Variants in HOXC8 observed in about 807,000 individuals in gnomAD.
The protein encoded by HOXC8 is homeobox C8, also known as homeobox protein Hox-C8.
A neutral mutation model predicts 25.8 loss-of-function variants in HOXC8; 14 were observed. The ratio of observed to expected loss-of-function variants is 0.54; its 90% confidence interval spans 0.36 to 0.85. The LOEUF (loss-of-function observed/expected upper bound fraction) is 0.85, where lower values mean the gene tolerates loss of function less well. Ranked by LOEUF, HOXC8 falls within the 40% of genes least tolerant of loss-of-function variation. The probability of loss-of-function intolerance (pLI) is 0.01; values close to 1 mark genes in which losing one functional copy is unlikely to be tolerated. For synonymous variants in HOXC8, 144 were observed against 124.6 expected, an observed-to-expected ratio of 1.16 and a Z score of -1.04; for missense variants, 316 against 308.8, an observed-to-expected ratio of 1.02 and a Z score of -0.17.
chr12:54,011,398 C>A lies in HOXC8; in HGVS notation c.*17C>A, dbSNP rs777820655. 3.6e-6 allele frequency: 5 copies of A among 1,399,508 alleles called. No homozygotes were observed. The highest frequency in any genetic ancestry group is 3.0e-5 in the African/African-American group (2 of 66,166). 86.7% of individuals were successfully genotyped at this position (1,399,508 alleles called of 1,614,324 possible). ...AAGGACTAAGCAAAAAAGAAAGACC[C>A]CCCCCCCCTTAGCAACTCCCTTGAA... On this transcript the variant is annotated 3_prime_UTR_variant, in exon 2 of 2. Coordinates refer to ENST00000040584, the MANE Select transcript of HOXC8 (RefSeq NM_022658.4).
rs1438812899 is a variant in HOXC8, at chr12:54,009,730, C to G, written c.436+10C>G. ...TGGATGAGACCCCACGGTGAGAAGC[C>G]TTTTCTCTTTCCCCCTTGGTCTCCC... On this transcript the variant is annotated intron_variant, in intron 1 of 1. Coordinates refer to ENST00000040584, the MANE Select transcript of HOXC8 (RefSeq NM_022658.4). The surrounding 1 kb of genome is among the most constrained non-coding windows in gnomAD (Gnocchi z 5.0). 1 of 1,609,252 alleles carries G rather than the reference C, an allele frequency of 6.2e-7. No individual in the cohort carries two copies. The highest frequency in any genetic ancestry group is 8.5e-7 in the Non-Finnish European group (1 of 1,176,000).
At position 54,009,774 on chromosome 12, in the gene HOXC8, C is replaced by G. The variant is rs908012413; in HGVS notation, c.436+54C>G. On this transcript the variant is annotated intron_variant, in intron 1 of 1. Coordinates refer to ENST00000040584, the MANE Select transcript of HOXC8 (RefSeq NM_022658.4). This position sits in a 1 kb window ranked among gnomAD's most constrained non-coding sequence, Gnocchi z 5.0. ...GTCTCCCGCGCTCCAGGGTTTCCCC[C>G]CCTCCCTCGCCTCCTTTTTGTCTGC... is the stretch of plus-strand genomic sequence containing the variant. 1.0e-5 allele frequency: 15 copies of G among 1,468,078 alleles called. No homozygotes were observed. The highest frequency in any genetic ancestry group is 2.3e-5 in the East Asian group (1 of 43,926). 90.9% of individuals were successfully genotyped at this position (1,468,078 alleles called of 1,614,324 possible).
rs372905494 is a variant in HOXC8, at chr12:54,011,294, G to T, written c.642G>T (p.Pro214=). ...WKKENNKDKL[P]GARDEEKVEE... ...AGGAGAACAACAAGGATAAACTGCC[G>T]GGAGCCCGAGATGAGGAGAAGGTGG... The change falls in exon 2 of 2, where the codon CCG becomes CCT. Residue 214 remains proline (P), a synonymous_variant. Transcript: ENST00000040584. The T allele has an allele frequency of 6.3e-7, 1 of 1,576,668 alleles. No homozygotes were observed.
In HOXC8 at chr12:54,011,501, C is replaced by A; in HGVS notation, c.*120C>A. On this transcript the variant is annotated 3_prime_UTR_variant, in exon 2 of 2. Transcript: ENST00000040584. ...TTTATAGAGAATAGAATGACACTCA[C>A]AACTCTAACTACCTGTCAGATACTT... 2.5e-6 allele frequency: 3 copies of A among 1,223,000 alleles called. No homozygotes were observed. Among genetic ancestry groups the A allele is most frequent in the African/African-American group, 3.1e-5 (2 of 63,800 alleles). The allele number at this position is 1,223,000 out of a possible 1,614,324, so 75.8% of individuals were successfully genotyped here. A position where few individuals can be genotyped will look rare whatever the true frequency, so the allele number is the denominator to read the frequency against.
At chr12:54,010,425 C>T (rs1380602155) in intron 1 of HOXC8, among the ~76,000 whole-genome samples, 1 of 152,196 alleles carries the variant, frequency 6.6e-6, no homozygotes, top group African/African-American at 2.4e-5. Context: ...AGCCGCCCCC[C>T]CAATCAAGGA....
At chr12:54,010,322 G>T (rs796424983) in intron 1 of HOXC8, among the ~76,000 whole-genome samples, 6 of 152,312 alleles carry the variant, frequency 3.9e-5, no homozygotes, top group African/African-American at 1.4e-4. Flanking sequence ...CCAGTTGGGA[G>T]AAGACGGGGG....
Position 54,009,789 on chromosome 12 carries a change from T to A in HOXC8, c.436+69T>A. The A allele has an allele frequency of 1.5e-6, 2 of 1,349,186 alleles. No homozygotes were observed. The highest frequency in any genetic ancestry group is 1.0e-6 in the Non-Finnish European group (1 of 956,292). The allele number at this position is 1,349,186 out of a possible 1,614,324, so 83.6% of individuals were successfully genotyped here. A position where few individuals can be genotyped will look rare whatever the true frequency, so the allele number is the denominator to read the frequency against. ...GGGTTTCCCCCCCTCCCTCGCCTCC[T>A]TTTTGTCTGCCCTCGCTTTTTCTCC... On this transcript the variant is annotated intron_variant, in intron 1 of 1. Coordinates refer to ENST00000040584, the MANE Select transcript of HOXC8 (RefSeq NM_022658.4). The surrounding 1 kb of genome is among the most constrained non-coding windows in gnomAD (Gnocchi z 5.0).
In HOXC8 at chr12:54,012,503, T is replaced by C. The variant is rs1459545127; in HGVS notation, c.*1122T>C. 1 of 152,594 alleles carries C rather than the reference T, an allele frequency of 6.6e-6. No individual in the cohort carries two copies. The highest frequency in any genetic ancestry group is 2.4e-5 in the African/African-American group (1 of 41,452). The allele number at this position is 152,594 out of a possible 1,614,324, so 9.5% of individuals were successfully genotyped here. A position where few individuals can be genotyped will look rare whatever the true frequency, so the allele number is the denominator to read the frequency against. On this transcript the variant is annotated 3_prime_UTR_variant, in exon 2 of 2. Coordinates refer to ENST00000040584, the MANE Select transcript of HOXC8 (RefSeq NM_022658.4). Reference sequence around the variant, plus strand: ...CTGAGACTGCCTAGCCCGCCGGTCCTGTGCGCTTTTATTGTGCTTCTAACC... The same window carrying C: ...CTGAGACTGCCTAGCCCGCCGGTCCCGTGCGCTTTTATTGTGCTTCTAACC...
intron 1 of HOXC8, among the ~76,000 whole-genome samples, chr12:54,010,822 G>A (rs1158613326): frequency 6.6e-6 from 1 of 152,122 alleles, no homozygotes; most frequent in East Asian, 1.9e-4. Context: ...GGCCTGGTGG[G>A]GGGGATTCTA....
At position 54,011,400 on chromosome 12, in the gene HOXC8, C is replaced by A; in HGVS notation, c.*19C>A. ...GGACTAAGCAAAAAAGAAAGACCCC[C>A]CCCCCCTTAGCAACTCCCTTGAAGT... On this transcript the variant is annotated 3_prime_UTR_variant, in exon 2 of 2. Coordinates refer to ENST00000040584, the MANE Select transcript of HOXC8 (RefSeq NM_022658.4). 4 of 1,437,950 alleles carry A rather than the reference C, an allele frequency of 2.8e-6. No individual in the cohort carries two copies. The highest frequency in any genetic ancestry group is 3.1e-5 in the South Asian group (2 of 65,054). The allele number at this position is 1,437,950 out of a possible 1,614,324, so 89.1% of individuals were successfully genotyped here.
rs765799061 is a variant in HOXC8 at position 54,009,398 on chromosome 12, G to T, written c.114G>T (p.Leu38=). 4.0e-5 allele frequency: 65 copies of T among 1,614,082 alleles called. No individual in the cohort carries two copies. The highest frequency in any genetic ancestry group is 5.5e-5 in the Non-Finnish European group (65 of 1,179,978). Residue 38 remains leucine (L), a synonymous_variant, in exon 1 of 2, where the codon CTG becomes CTT. Transcript: ENST00000040584. This position sits in a 1 kb window ranked among gnomAD's most constrained non-coding sequence, Gnocchi z 5.0. ...AGAGCGTGGGCAGGAGCCATGCGCTGGTGTACGGGCCCGGCGGCTCGGCGC... is the reference window on the plus strand; with the variant it reads ...AGAGCGTGGGCAGGAGCCATGCGCTTGTGTACGGGCCCGGCGGCTCGGCGC... The part of the protein sequence containing the change: ...FPQSVGRSHA[L]VYGPGGSAPG...
rs775387857 is a variant in HOXC8 at position 54,012,040 on chromosome 12, C to T, written c.*659C>T. 1 of 150,272 alleles carries T rather than the reference C, an allele frequency of 6.7e-6. No individual in the cohort carries two copies. Among genetic ancestry groups the T allele is most frequent in the Non-Finnish European group, 1.5e-5 (1 of 67,608 alleles). The allele number at this position is 150,272 out of a possible 1,614,324, so 9.3% of individuals were successfully genotyped here. On this transcript the variant is annotated 3_prime_UTR_variant, in exon 2 of 2. Transcript: ENST00000040584. ...TGAAGGAGATGTGGGTCTTTCCCCT[C>T]CCCCCATTTCCAGAAGGGTAGATAG...
intron 1 of HOXC8, among the ~76,000 whole-genome samples, chr12:54,010,724 T>C (rs1237821437): frequency 6.6e-6 from 1 of 152,200 alleles, no homozygotes. Flanking sequence ...TTTCCTTTCT[T>C]TTGGAAACAG....
chr12:54,010,808 T>A (rs979530566), intron 1 of HOXC8, among the ~76,000 whole-genome samples: 1 of 152,090 alleles, frequency 6.6e-6, no homozygotes, highest in African/African-American at 2.4e-5. Context: ...TTCCTAGGAT[T>A]ACAGGCCTGG....
rs1940018350 is a variant in HOXC8 at position 54,012,411 on chromosome 12, T to G, written c.*1030T>G. ...CTACCTATAGAAAGAAATCCTGCTT[T>G]GAGAGTATTTGTAATGCGGTTTTGT... On this transcript the variant is annotated 3_prime_UTR_variant, in exon 2 of 2. Coordinates refer to ENST00000040584, the MANE Select transcript of HOXC8 (RefSeq NM_022658.4). The G allele has an allele frequency of 6.6e-6, 1 of 152,234 alleles. No homozygotes were observed. Among genetic ancestry groups the G allele is most frequent in the Non-Finnish European group, 1.5e-5 (1 of 67,948 alleles). The allele number at this position is 152,234 out of a possible 1,614,324, so 9.4% of individuals were successfully genotyped here. A position where few individuals can be genotyped will look rare whatever the true frequency, so the allele number is the denominator to read the frequency against.
chr12:54,009,159 C>G lies in HOXC8; in HGVS notation c.-126C>G, dbSNP rs1391949429. 2.4e-6 allele frequency: 2 copies of G among 829,838 alleles called. No homozygotes were observed. The highest frequency in any genetic ancestry group is 2.3e-5 in the Admixed American group (1 of 42,740). The allele number at this position is 829,838 out of a possible 1,614,324, so 51.4% of individuals were successfully genotyped here. On this transcript the variant is annotated 5_prime_UTR_variant, in exon 1 of 2. Transcript: ENST00000040584. This position sits in a 1 kb window ranked among gnomAD's most constrained non-coding sequence, Gnocchi z 5.0. Reference sequence around the variant, plus strand: ...ACCTGCCCAGCCCCCAGCCCACCAGCCCAGCCCAGTCCCGGGGAGCCAGCT... The same window carrying G: ...ACCTGCCCAGCCCCCAGCCCACCAGGCCAGCCCAGTCCCGGGGAGCCAGCT...
Position 54,011,198 on chromosome 12 carries a change from C to T in HOXC8, c.546C>T (p.Val182=). 1.9e-6 allele frequency: 3 copies of T among 1,613,980 alleles called. No homozygotes were observed. The South Asian group carries it at 3.3e-5, about 18-fold the overall frequency. Residue 182 remains valine (V), a synonymous_variant, in exon 2 of 2, where the codon GTC becomes GTT. Coordinates refer to ENST00000040584, the MANE Select transcript of HOXC8 (RefSeq NM_022658.4). ...TGACACGAAAACGTCGGATTGAAGT[C>T]TCTCATGCCCTGGGACTGACCGAGA... ...PYLTRKRRIE[V]SHALGLTERQ...
Position 54,009,309 on chromosome 12 carries a change from CT to C in HOXC8, c.26del (p.Leu9ArgfsTer121). 1 of 1,600,022 alleles carries C rather than the reference CT, an allele frequency of 6.2e-7. No homozygotes were observed. Among genetic ancestry groups the C allele is most frequent in the Non-Finnish European group, 8.5e-7 (1 of 1,170,798 alleles). MSSYFVNP[L>X]FSKYKAGESL... ...CATGAGCTCCTACTTCGTCAACCCC[CT>C]GTTCTCCAAATACAAAGCCGGCGAG... On this transcript the variant is annotated frameshift_variant, in exon 1 of 2. Coordinates refer to ENST00000040584, the MANE Select transcript of HOXC8 (RefSeq NM_022658.4). LOFTEE classifies it high-confidence loss of function. The surrounding 1 kb of genome is among the most constrained non-coding windows in gnomAD (Gnocchi z 5.0).
chr12:54,011,596 G>A lies in HOXC8; in HGVS notation c.*215G>A, dbSNP rs888711594. Reference sequence around the variant, plus strand: ...TGTTTGGGGGCTGGAGGGGGGAGACGGAGAAACAGTGAAAAGTTCGGACTC... The same window carrying A: ...TGTTTGGGGGCTGGAGGGGGGAGACAGAGAAACAGTGAAAAGTTCGGACTC... On this transcript the variant is annotated 3_prime_UTR_variant, in exon 2 of 2. Transcript: ENST00000040584. The A allele has an allele frequency of 2.8e-5, 14 of 508,312 alleles. No homozygotes were observed. The East Asian group carries it at 3.6e-4, about 13-fold the overall frequency. 31.5% of individuals were successfully genotyped at this position (508,312 alleles called of 1,614,324 possible). A position where few individuals can be genotyped will look rare whatever the true frequency, so the allele number is the denominator to read the frequency against.
Sources: gnomAD v4.1 joint callset for allele counts (sites outside exome capture counted in the v4.1 genomes callset) on GRCh38, gnomAD v4.1.1 for gene constraint, Gnocchi (gnomAD v3.1) non-coding constraint, MANE v1.5 for transcripts, NCBI Gene and HGNC (gene_info 2026-07-23, HGNC 2026-07-21) for gene names.